Variants in SRGAP3 observed in about 807,000 individuals in gnomAD.
SRGAP3 encodes the protein SLIT-ROBO Rho GTPase activating protein 3, also known as SLIT-ROBO Rho GTPase-activating protein 3.
SRGAP3 carries 39 observed loss-of-function variants against 121.1 expected under a neutral mutation model. The ratio of observed to expected loss-of-function variants is 0.32; its 90% confidence interval spans 0.25 to 0.42. The LOEUF (loss-of-function observed/expected upper bound fraction) is 0.42. SRGAP3 is among the 10% of genes least tolerant of loss of function. The pLI, the probability that SRGAP3 is intolerant of heterozygous loss-of-function variation, is 1.00. For missense variants in SRGAP3, 1,213 were observed against 1,470.6 expected (o/e 0.82, Z 2.86); for synonymous variants, 601 against 570.0 (o/e 1.05, Z -0.77).
chr3:9,241,753 C>G (rs1953646607), intron 1 of SRGAP3, among the ~76,000 whole-genome samples: 1 of 152,072 alleles, frequency 6.6e-6, no homozygotes, highest in South Asian at 2.1e-4. Flanking sequence ...AGATGGGTCC[C>G]TCCTGATGGT....
intron 9 of SRGAP3, 71 bp from the exon 10 acceptor site, chr3:9,047,546 G>A (rs2125142162): frequency 6.8e-7 from 1 of 1,460,788 alleles, no homozygotes; most frequent in East Asian, 2.3e-5. Flanking sequence ...CTCTGCAACT[G>A]ACCTCTGGGA....
chr3:9,179,498 G>A lies in SRGAP3; in HGVS notation c.68-54581C>T, dbSNP rs185340442. Among the ~76,000 whole-genome samples the A allele has an allele frequency of 3.9e-5, 6 of 152,324 alleles. No individual in the cohort carries two copies. The East Asian group carries it at 9.7e-4, about 25-fold the overall frequency. On this transcript the variant is annotated intron_variant, in intron 1 of 21. Transcript: ENST00000383836. ...GCAAATGTTAGTTATTGATGCTGCT[G>A]ATGTTGAAAATGTCATCAGATGCCA...
At chr3:9,059,942 T>C in intron 6 of SRGAP3, 1 of 425,028 alleles carries the variant, frequency 2.4e-6, no homozygotes, top group Non-Finnish European at 4.4e-6. Flanking sequence ...GCAAAGGACC[T>C]GGTGTCCAGG....
intron 3 of SRGAP3, among the ~76,000 whole-genome samples, chr3:9,286,067 A>G (rs1169360740): frequency 6.6e-6 from 1 of 150,568 alleles, no homozygotes; most frequent in East Asian, 2.0e-4. Context: ...AGCTGTGATC[A>G]TGCCACTGCA....
At chr3:9,180,535 C>A (rs1951352279) in intron 1 of SRGAP3, among the ~76,000 whole-genome samples, 1 of 152,150 alleles carries the variant, frequency 6.6e-6, no homozygotes, top group Non-Finnish European at 1.5e-5. Context: ...CAGAGGCTGA[C>A]TTCAAGTCTG....
chr3:9,298,102 T>A (rs1472006415), intron 3 of SRGAP3, among the ~76,000 whole-genome samples: 2 of 152,122 alleles, frequency 1.3e-5, no homozygotes, highest in Non-Finnish European at 1.5e-5. Flanking sequence ...CACCACCTAG[T>A]CAGTAGTACT....
intron 3 of SRGAP3, among the ~76,000 whole-genome samples, chr3:9,320,767 A>G (rs1445266149): frequency 6.6e-6 from 1 of 151,874 alleles, no homozygotes; most frequent in African/African-American, 2.4e-5. Context: ...CAGTCATGAC[A>G]AATTGATCAC....
chr3:9,081,685 G>A (rs768936720), intron 3 of SRGAP3, among the ~76,000 whole-genome samples: 2 of 152,174 alleles, frequency 1.3e-5, no homozygotes, highest in Non-Finnish European at 2.9e-5. Context: ...ATTGACCACA[G>A]TCCTATTTCC....
chr3:9,034,618 A>ATTTTGTTT (rs1944657720), intron 11 of SRGAP3: 1 of 152,264 alleles, frequency 6.6e-6, no homozygotes, highest in Non-Finnish European at 1.5e-5. Flanking sequence ...AAATAACAGC[A>ATTTTGTTT]CAGATCAAAA....
intron 3 of SRGAP3, among the ~76,000 whole-genome samples, chr3:9,284,201 C>T (rs1954727966): frequency 6.6e-6 from 1 of 151,912 alleles, no homozygotes; most frequent in Admixed American, 6.6e-5. Flanking sequence ...CCTGAAACAA[C>T]CATCCTACTT....
At chr3:9,318,603 C>T (rs931572952) in intron 3 of SRGAP3, among the ~76,000 whole-genome samples, 5 of 151,370 alleles carry the variant, frequency 3.3e-5, no homozygotes, top group African/African-American at 9.7e-5. Flanking sequence ...GGCCAGGTGC[C>T]GTGGCTCATA....
At chr3:9,130,317 G>A (rs533847965) in intron 1 of SRGAP3, among the ~76,000 whole-genome samples, 1 of 152,158 alleles carries the variant, frequency 6.6e-6, no homozygotes, top group Non-Finnish European at 1.5e-5. Flanking sequence ...GTCACACGTC[G>A]TTCTCTGAAC....
At chr3:9,336,850 T>C (rs1428439233) in intron 1 of SRGAP3, among the ~76,000 whole-genome samples, 1 of 152,192 alleles carries the variant, frequency 6.6e-6, no homozygotes, top group African/African-American at 2.4e-5. Flanking sequence ...GATATATCTA[T>C]ACATGAATGG....
At chr3:9,341,543 G>T (rs1214610345) in intron 1 of SRGAP3, among the ~76,000 whole-genome samples, 1 of 152,218 alleles carries the variant, frequency 6.6e-6, no homozygotes, top group Non-Finnish European at 1.5e-5. Flanking sequence ...TGGGAGAAGA[G>T]GTCAGCAGCA....
chr3:9,300,769 T>C (rs940892621), intron 3 of SRGAP3, among the ~76,000 whole-genome samples: 2 of 152,228 alleles, frequency 1.3e-5, no homozygotes, highest in Admixed American at 1.3e-4. Flanking sequence ...AAGGAAGTGT[T>C]ACTGGAAACC....
chr3:9,336,598 T>A (rs1165266646), intron 1 of SRGAP3, among the ~76,000 whole-genome samples: 1 of 151,994 alleles, frequency 6.6e-6, no homozygotes, highest in Non-Finnish European at 1.5e-5. Context: ...TGTGAATATA[T>A]AAGAAAAGGG....
rs149765972 is a variant in SRGAP3 at position 9,010,544 on chromosome 3, C to T, written c.2148-157G>A. 2.3e-4 allele frequency among the ~76,000 whole-genome samples: 35 copies of T among 152,240 alleles called. 1 individual carries two copies. The highest frequency in any genetic ancestry group is 7.9e-4 in the African/African-American group (33 of 41,554). The stretch of plus-strand genomic sequence containing the variant: ...CTTTTCCATGTGACCACTCCGGGGA[C>T]CTTCCTAATCAGAAAACTACTCCCA... On this transcript the variant is annotated intron_variant, in intron 17 of 21. Coordinates refer to ENST00000383836, the MANE Select transcript of SRGAP3 (RefSeq NM_014850.4).
intron 1 of SRGAP3, among the ~76,000 whole-genome samples, chr3:9,139,778 T>C (rs895015411): frequency 2.6e-5 from 4 of 152,204 alleles, no homozygotes; most frequent in East Asian, 1.9e-4. Context: ...CTGAAGAATA[T>C]AGAGTATCGT....
intron 18 of SRGAP3, among the ~76,000 whole-genome samples, chr3:9,000,111 T>C (rs570785): frequency 0.75 from 114,492 of 152,078 alleles, 43,487 homozygotes; most frequent in South Asian, 0.86. Flanking sequence ...CCCTTTACCA[T>C]CTTCTAGTCA....
Sources: gnomAD v4.1 joint callset for allele counts (sites outside exome capture counted in the v4.1 genomes callset) on GRCh38, gnomAD v4.1.1 for gene constraint, MANE v1.5 for transcripts, NCBI Gene and HGNC (gene_info 2026-07-23, HGNC 2026-07-21) for gene names.